Variants in NEURL1 observed in about 807,000 individuals in gnomAD.
NEURL1 encodes neuralized E3 ubiquitin protein ligase 1, also known as E3 ubiquitin-protein ligase NEURL1.
In NEURL1, 26 loss-of-function variants were observed where a neutral mutation model predicts 41.2. That is an observed-to-expected ratio of 0.63 (90% CI 0.46 to 0.87). NEURL1 has a LOEUF of 0.87. Ranked by LOEUF, NEURL1 falls within the 40% of genes least tolerant of loss-of-function variation. The pLI, the probability that NEURL1 is intolerant of heterozygous loss-of-function variation, is 0.00. For synonymous variants in NEURL1, 400 were observed against 402.3 expected, an observed-to-expected ratio of 0.99 and a Z score of 0.07; for missense variants, 761 against 871.1, an observed-to-expected ratio of 0.87 and a Z score of 1.59.
chr10:103,498,966 T>C (rs1345173465), intron 1 of NEURL1, among the ~76,000 whole-genome samples: 1 of 152,248 alleles, frequency 6.6e-6, no homozygotes, highest in African/African-American at 2.4e-5. Context: ...TTTCTACCTT[T>C]TGGTTTTCAT....
intron 1 of NEURL1, among the ~76,000 whole-genome samples, chr10:103,537,906 AC>A (rs2034728226): frequency 1.3e-5 from 2 of 150,326 alleles, no homozygotes; most frequent in Admixed American, 1.3e-4. Flanking sequence ...TCCCTGCTGC[AC>A]CCCCCGCCTC....
At chr10:103,538,448 G>A (rs1592206282) in intron 1 of NEURL1, among the ~76,000 whole-genome samples, 1 of 151,146 alleles carries the variant, frequency 6.6e-6, no homozygotes, top group Non-Finnish European at 1.5e-5. Flanking sequence ...GCATGTGCCT[G>A]TAATCCTAGC....
At chr10:103,542,063 T>G (rs2133864217) in intron 1 of NEURL1, among the ~76,000 whole-genome samples, 1 of 152,318 alleles carries the variant, frequency 6.6e-6, no homozygotes, top group Middle Eastern at 3.4e-3. Flanking sequence ...CTGGGAAATC[T>G]ATGCCTCATT....
chr10:103,513,236 C>G (rs1022665884), intron 1 of NEURL1, among the ~76,000 whole-genome samples: 1 of 152,238 alleles, frequency 6.6e-6, no homozygotes, highest in Non-Finnish European at 1.5e-5. Flanking sequence ...GCTCCAGAGA[C>G]AAGCAGGCAC....
chr10:103,526,521 CT>C (rs574672032), intron 1 of NEURL1, among the ~76,000 whole-genome samples: 16 of 147,440 alleles, frequency 1.1e-4, no homozygotes, highest in East Asian at 3.9e-4. Flanking sequence ...CTTTTCTTTT[CT>C]TTTTTTTTTG....
At position 103,585,301 on chromosome 10, in the gene NEURL1, A is replaced by T. The variant is rs573445370; in HGVS notation, c.1339+76A>T. The T allele has an allele frequency of 1.1e-5, 14 of 1,262,184 alleles. No homozygotes were observed. The Admixed American group carries it at 3.9e-4, about 35-fold the overall frequency. The allele number at this position is 1,262,184 out of a possible 1,614,324, so 78.2% of individuals were successfully genotyped here. ...CGATCCGGGTAGGAGACAAAGGGCG[A>T]GCTCCCCTTCCTCCAGGCTCATGAT... is the stretch of plus-strand genomic sequence containing the variant. On this transcript the variant is annotated intron_variant, in intron 4 of 5. Coordinates refer to ENST00000369780, the MANE Select transcript of NEURL1 (RefSeq NM_004210.5).
intron 1 of NEURL1, among the ~76,000 whole-genome samples, chr10:103,527,442 G>A (rs893039830): frequency 4.6e-5 from 7 of 151,904 alleles, no homozygotes; most frequent in Non-Finnish European, 8.8e-5. Context: ...TTACAGGCAT[G>A]CACAACCATG....
At chr10:103,578,429 C>T (rs1343159221) in intron 3 of NEURL1, among the ~76,000 whole-genome samples, 1 of 152,168 alleles carries the variant, frequency 6.6e-6, no homozygotes, top group African/African-American at 2.4e-5. Flanking sequence ...CTGTGCTTCT[C>T]CAGCTGGGTT....
rs2036023307 is a variant in NEURL1 at position 103,590,704 on chromosome 10, TAGG to T, written c.*336_*338del. The T allele has an allele frequency of 2.8e-6, 1 of 355,532 alleles. No homozygotes were observed. The highest frequency in any genetic ancestry group is 2.1e-5 in the African/African-American group (1 of 48,294). The allele number at this position is 355,532 out of a possible 1,614,324, so 22.0% of individuals were successfully genotyped here. ...TCTTTCCCCATCTGAGGCAGGTTTC[TAGG>T]AGGTGTCTGTAGTCCATGTGGCACC... On this transcript the variant is annotated 3_prime_UTR_variant, in exon 6 of 6. Transcript: ENST00000369780.
At chr10:103,532,920 CTTTTTTTT>C (rs144783148) in intron 1 of NEURL1, among the ~76,000 whole-genome samples, 1,028 of 63,834 alleles carry the variant, frequency 0.016, 12 homozygotes, top group Middle Eastern at 0.029. Flanking sequence ...TTCTCTTCTC[CTTTTTTTT>C]TTTTTTTTTT....
intron 1 of NEURL1, among the ~76,000 whole-genome samples, chr10:103,538,827 A>G (rs902055587): frequency 1.7e-4 from 26 of 148,932 alleles, no homozygotes; most frequent in African/African-American, 4.7e-4. Flanking sequence ...TCGTAATTTT[A>G]GTAGAGGAGG....
At chr10:103,527,829 C>T (rs574593896) in intron 1 of NEURL1, among the ~76,000 whole-genome samples, 72 of 152,336 alleles carry the variant, frequency 4.7e-4, no homozygotes, top group African/African-American at 1.7e-3. Flanking sequence ...GGATGAATAT[C>T]TATCTTCTCT....
At chr10:103,584,440 G>C in intron 3 of NEURL1, 96 bp from the exon 4 acceptor site, 1 of 759,096 alleles carries the variant, frequency 1.3e-6, no homozygotes, top group South Asian at 4.1e-5. Flanking sequence ...AGCCATCCGG[G>C]ATTGTAACGG....
At chr10:103,579,000 G>T (rs931054372) in intron 3 of NEURL1, among the ~76,000 whole-genome samples, 8 of 152,252 alleles carry the variant, frequency 5.3e-5, no homozygotes, top group African/African-American at 1.7e-4. Flanking sequence ...CAGTGCTCCG[G>T]ATGTGAGAAC....
At chr10:103,518,271 G>A (rs1209213792) in intron 1 of NEURL1, among the ~76,000 whole-genome samples, 1 of 152,092 alleles carries the variant, frequency 6.6e-6, no homozygotes, top group Non-Finnish European at 1.5e-5. Flanking sequence ...AGAGCAAATT[G>A]TGTAATATGT....
chr10:103,541,249 A>G (rs116265438), intron 1 of NEURL1, among the ~76,000 whole-genome samples: 1,609 of 152,214 alleles, frequency 0.011, 20 homozygotes, highest in African/African-American at 0.036. Context: ...AGAGAGGATT[A>G]AACATACATA....
intron 1 of NEURL1, among the ~76,000 whole-genome samples, chr10:103,533,551 T>A (rs551148579): frequency 1.3e-5 from 2 of 151,588 alleles, no homozygotes; most frequent in South Asian, 4.3e-4. Context: ...GTATTTTTTT[T>A]TTTGAGATGG....
intron 1 of NEURL1, among the ~76,000 whole-genome samples, chr10:103,509,860 A>G (rs1240258493): frequency 6.6e-6 from 1 of 152,168 alleles, no homozygotes; most frequent in East Asian, 1.9e-4. Flanking sequence ...TATGGGTTCC[A>G]GGTTGAGGAT....
intron 1 of NEURL1, among the ~76,000 whole-genome samples, chr10:103,526,424 C>G (rs1402570989): frequency 2.0e-5 from 3 of 152,030 alleles, no homozygotes; most frequent in Admixed American, 6.6e-5. Context: ...TGGAACTGGT[C>G]TGTTCTGGTT....
Sources: gnomAD v4.1 joint callset for allele counts (sites outside exome capture counted in the v4.1 genomes callset) on GRCh38, gnomAD v4.1.1 for gene constraint, MANE v1.5 for transcripts, NCBI Gene and HGNC (gene_info 2026-07-23, HGNC 2026-07-21) for gene names.